The following NSUN6 variants were observed in gnomAD, a reference collection of about 807,000 sequenced individuals.
NSUN6 encodes the protein tRNA (cytosine(72)-C(5))-methyltransferase NSUN6.
NSUN6 carries 64 observed loss-of-function variants against 58.0 expected under a neutral mutation model. The ratio of observed to expected loss-of-function variants is 1.10; its 90% CI spans 0.90 to 1.36. The LOEUF is 1.36. NSUN6 is among the 40% of genes most tolerant of loss of function. The pLI is 0.00. For synonymous variants in NSUN6, 231 were observed against 193.9 expected (o/e 1.19, Z -1.59); for missense variants, 701 against 550.1 (o/e 1.27, Z -2.74).
At chr10:18,612,257 A>G (rs1043701501) in intron 5 of NSUN6, among the ~76,000 whole-genome samples, 2 of 151,506 alleles carry the variant, frequency 1.3e-5, no homozygotes, top group Non-Finnish European at 2.9e-5. Flanking sequence ...CATTTCTATG[A>G]AAAAAAAATT....
chr10:18,651,471 C>G lies in NSUN6; in HGVS notation c.-268G>C. On this transcript the variant is annotated 5_prime_UTR_variant, in exon 1 of 11. Transcript: ENST00000377304. ...CATGGAAATCACTGAGCCAATGCCACTCACGTTGCAAAGAACCAAAAAAAG... is the reference window on the plus strand; with the variant it reads ...CATGGAAATCACTGAGCCAATGCCAGTCACGTTGCAAAGAACCAAAAAAAG... 2.6e-6 allele frequency: 3 copies of G among 1,157,776 alleles called. No homozygotes were observed. Among genetic ancestry groups the G allele is most frequent in the Non-Finnish European group, 3.2e-6 (3 of 941,130 alleles). The allele number at this position is 1,157,776 out of a possible 1,614,324, so 71.7% of individuals were successfully genotyped here.
chr10:18,578,710 C>T (rs910383619), intron 8 of NSUN6, among the ~76,000 whole-genome samples: 1 of 152,158 alleles, frequency 6.6e-6, no homozygotes, highest in African/African-American at 2.4e-5. Flanking sequence ...AGCTGAATTC[C>T]AGTAAAACAC....
At chr10:18,597,922 CATTA>C (rs1391607432) in intron 6 of NSUN6, among the ~76,000 whole-genome samples, 1 of 152,124 alleles carries the variant, frequency 6.6e-6, no homozygotes, top group Non-Finnish European at 1.5e-5. Flanking sequence ...ATATATGAAG[CATTA>C]AAATCAATGC....
intron 8 of NSUN6, among the ~76,000 whole-genome samples, chr10:18,579,409 A>T (rs2056807314): frequency 6.7e-6 from 1 of 150,174 alleles, no homozygotes. Flanking sequence ...TGACGTCGTG[A>T]TCCACCCGCC....
chr10:18,588,858 TCTC>T (rs1298498764), intron 7 of NSUN6, among the ~76,000 whole-genome samples: 4 of 152,106 alleles, frequency 2.6e-5, no homozygotes, highest in South Asian at 2.1e-4. Flanking sequence ...GAATGCCTCT[TCTC>T]CTCTAAATAA....
intron 3 of NSUN6, among the ~76,000 whole-genome samples, chr10:18,624,703 A>C (rs527287353): frequency 6.8e-6 from 1 of 146,012 alleles, no homozygotes; most frequent in South Asian, 2.3e-4. Context: ...AATGGAGTTG[A>C]AGAATATGTT....
intron 3 of NSUN6, among the ~76,000 whole-genome samples, chr10:18,638,698 C>T (rs1299627959): frequency 6.6e-6 from 1 of 152,020 alleles, no homozygotes; most frequent in Non-Finnish European, 1.5e-5. Context: ...CAACCAGACT[C>T]AGCCAACTTG....
At chr10:18,634,528 G>A (rs951711314) in intron 3 of NSUN6, among the ~76,000 whole-genome samples, 3 of 151,254 alleles carry the variant, frequency 2.0e-5, no homozygotes, top group Non-Finnish European at 4.4e-5. Context: ...GAGGAGGGTG[G>A]ATCACAAAGT....
upstream of NSUN6, among the ~76,000 whole-genome samples, chr10:18,657,782 T>C (rs2059793605): frequency 6.6e-6 from 1 of 152,084 alleles, no homozygotes; most frequent in Admixed American, 6.6e-5. Context: ...CCCGGCTAAT[T>C]TTTGTATTTT....
chr10:18,570,650 A>ATCCAT (rs1162254038), intron 8 of NSUN6, among the ~76,000 whole-genome samples: 3 of 122,708 alleles, frequency 2.4e-5, no homozygotes, highest in Non-Finnish European at 5.2e-5. Flanking sequence ...CCATACCATC[A>ATCCAT]TCCATTCCAT....
chr10:18,558,688 T>A (rs1268232231), intron 8 of NSUN6, among the ~76,000 whole-genome samples: 1 of 139,034 alleles, frequency 7.2e-6, no homozygotes, highest in African/African-American at 2.7e-5. Flanking sequence ...AAGAATGGAA[T>A]GGAATGGCGG....
chr10:18,582,521 C>G (rs12355452), intron 8 of NSUN6, among the ~76,000 whole-genome samples: 7,368 of 152,190 alleles, frequency 0.048, 272 homozygotes, highest in Non-Finnish European at 0.077. Flanking sequence ...TATGAGACAG[C>G]GAGAAGAGCC....
chr10:18,638,532 T>TA (rs1206163320), intron 3 of NSUN6, among the ~76,000 whole-genome samples: 2 of 151,990 alleles, frequency 1.3e-5, no homozygotes, highest in African/African-American at 2.4e-5. Context: ...GTTCAGTAAC[T>TA]AAAAATCCCA....
intron 7 of NSUN6, among the ~76,000 whole-genome samples, chr10:18,595,634 T>C (rs944662610): frequency 6.6e-6 from 1 of 152,202 alleles, no homozygotes; most frequent in Non-Finnish European, 1.5e-5. Context: ...GGCAAGTATA[T>C]CCTCTCTAAT....
chr10:18,620,253 A>C (rs1192162906), intron 3 of NSUN6, among the ~76,000 whole-genome samples: 1 of 151,870 alleles, frequency 6.6e-6, no homozygotes, highest in Non-Finnish European at 1.5e-5. Context: ...ATACCCGGCT[A>C]ATTTTTTGTG....
chr10:18,626,728 T>C (rs1048466451), intron 3 of NSUN6, among the ~76,000 whole-genome samples: 4 of 152,098 alleles, frequency 2.6e-5, no homozygotes, highest in African/African-American at 4.8e-5. Context: ...GATCGTGCCA[T>C]TGCACTCTAG....
chr10:18,645,072 T>G (rs1248578589), intron 2 of NSUN6, among the ~76,000 whole-genome samples: 1 of 143,736 alleles, frequency 7.0e-6, no homozygotes, highest in Non-Finnish European at 1.5e-5. Flanking sequence ...GCAGGAGAAT[T>G]GCTTGAACCT....
chr10:18,579,541 G>C (rs1210072512), intron 8 of NSUN6, among the ~76,000 whole-genome samples: 2 of 152,088 alleles, frequency 1.3e-5, no homozygotes, highest in East Asian at 3.8e-4. Flanking sequence ...ATCTGAACCA[G>C]GTTTCAGTCA....
chr10:18,636,664 C>T (rs190013242), intron 3 of NSUN6, among the ~76,000 whole-genome samples: 27 of 151,800 alleles, frequency 1.8e-4, no homozygotes, highest in Non-Finnish European at 3.2e-4. Context: ...GAGGTGGAGG[C>T]GGGCAGATCA....
Sources: gnomAD v4.1 joint callset for allele counts (sites outside exome capture counted in the v4.1 genomes callset) on GRCh38, gnomAD v4.1.1 for gene constraint, MANE v1.5 for transcripts, NCBI Gene and HGNC (gene_info 2026-07-23, HGNC 2026-07-21) for gene names.